Variants in KCNJ15 observed in about 807,000 individuals in gnomAD.
KCNJ15 encodes potassium inwardly rectifying channel subfamily J member 15, also known as ATP-sensitive inward rectifier potassium channel 15.
KCNJ15 carries 14 observed loss-of-function variants against 23.0 expected under a neutral mutation model. The ratio of observed to expected loss-of-function variants is 0.61; its 90% CI spans 0.40 to 0.95. The LOEUF (loss-of-function observed/expected upper bound fraction) is 0.95. KCNJ15 is among the 40% of genes least tolerant of loss of function. The pLI is 0.00. For synonymous variants in KCNJ15, 185 were observed against 183.2 expected (o/e 1.01, Z -0.08); for missense variants, 388 against 461.8 (o/e 0.84, Z 1.46).
At position 38,303,373 on chromosome 21, in the gene KCNJ15, C is replaced by T. The variant is rs1347883563; in HGVS notation, c.*2984C>T. The T allele has an allele frequency of 1.3e-5, 2 of 151,816 alleles. No homozygotes were observed. The highest frequency in any genetic ancestry group is 3.9e-4 in the East Asian group (2 of 5,154). The allele number at this position is 151,816 out of a possible 1,614,324, so 9.4% of individuals were successfully genotyped here. A position where few individuals can be genotyped will look rare whatever the true frequency, so the allele number is the denominator to read the frequency against. On this transcript the variant is annotated 3_prime_UTR_variant, in exon 3 of 3. Coordinates refer to ENST00000398938, the MANE Select transcript of KCNJ15 (RefSeq NM_170736.3). ...ATGTGTTAGGTTTTCTCAATGAGAC[C>T]ATTAAAAAACGTTGTGTTCCATTTG...
At chr21:38,259,864 T>G (rs1980696528) in intron 1 of KCNJ15, among the ~76,000 whole-genome samples, 1 of 152,134 alleles carries the variant, frequency 6.6e-6, no homozygotes, top group African/African-American at 2.4e-5. Context: ...CTCAGGTAAC[T>G]TCCTGGTGCC....
At chr21:38,241,468 T>A (rs1167848138) in intron 1 of KCNJ15, among the ~76,000 whole-genome samples, 1 of 152,222 alleles carries the variant, frequency 6.6e-6, no homozygotes, top group Non-Finnish European at 1.5e-5. Flanking sequence ...GGCAGAGGCC[T>A]GGGACAGCAC....
chr21:38,278,875 G>T (rs1425378709), intron 1 of KCNJ15, among the ~76,000 whole-genome samples: 1 of 152,206 alleles, frequency 6.6e-6, no homozygotes, highest in African/African-American at 2.4e-5. Context: ...TGAGGCTTTG[G>T]TTTGTAGACA....
intron 1 of KCNJ15, among the ~76,000 whole-genome samples, chr21:38,295,047 C>T (rs58979766): frequency 0.1 from 15,273 of 152,150 alleles, 2,168 homozygotes; most frequent in African/African-American, 0.32. Context: ...TATTGCTTAG[C>T]TGGGAGGATT....
upstream of KCNJ15, among the ~76,000 whole-genome samples, chr21:38,254,576 G>A (rs1001806219): frequency 2.0e-5 from 3 of 152,140 alleles, no homozygotes; most frequent in Non-Finnish European, 2.9e-5. Flanking sequence ...TATGTAACTC[G>A]ATGCTGAGAA....
intron 1 of KCNJ15, among the ~76,000 whole-genome samples, chr21:38,232,762 A>T (rs558220557): frequency 6.6e-6 from 1 of 151,890 alleles, no homozygotes; most frequent in African/African-American, 2.4e-5. Context: ...CATTTTTAAA[A>T]TTTTATTCTA....
intron 1 of KCNJ15, among the ~76,000 whole-genome samples, chr21:38,277,503 T>C (rs1982843751): frequency 6.6e-6 from 1 of 152,162 alleles, no homozygotes. Context: ...GCAGAAATAA[T>C]TAATCATAAC....
chr21:38,255,225 T>G (rs747246594), upstream of KCNJ15, among the ~76,000 whole-genome samples: 4 of 152,012 alleles, frequency 2.6e-5, no homozygotes, highest in Non-Finnish European at 5.9e-5. Flanking sequence ...GAACAATGAG[T>G]CAGCTCAGTG....
chr21:38,280,323 T>C (rs1258213902), intron 1 of KCNJ15, among the ~76,000 whole-genome samples: 1 of 152,140 alleles, frequency 6.6e-6, no homozygotes, highest in Non-Finnish European at 1.5e-5. Flanking sequence ...AAAGTAGTCT[T>C]TTGGAAGTCA....
At position 38,288,030 on chromosome 21, in the gene KCNJ15, G is replaced by GTTTTTTTTTTTTTTTTTT. The variant is rs71184612; in HGVS notation, c.-116-8885_-116-8868dup. 8.6e-4 allele frequency among the ~76,000 whole-genome samples: 70 copies of GTTTTTTTTTTTTTTTTTT among 81,450 alleles called. 3 individuals carry two copies. Among genetic ancestry groups the GTTTTTTTTTTTTTTTTTT allele is most frequent in the South Asian group, 2.0e-3 (4 of 1,990 alleles). The allele number at this position is 81,450 out of a possible 152,430, so 53.4% of individuals were successfully genotyped here. On this transcript the variant is annotated intron_variant, in intron 1 of 2. Coordinates refer to ENST00000398938, the MANE Select transcript of KCNJ15 (RefSeq NM_170736.3). Reference sequence around the variant, plus strand: ...TGTTAAATAACTTGTTTTTTTCTTTGTTTTTTTTTTTTTTTTTTTTTTTTT... The same window carrying GTTTTTTTTTTTTTTTTTT: ...TGTTAAATAACTTGTTTTTTTCTTTGTTTTTTTTTTTTTTTTTTTTTTTTTTTTTTTTTTTTTTTTTTT...
In KCNJ15 at chr21:38,300,603, T is replaced by C. The variant is rs1569023770; in HGVS notation, c.*214T>C. On this transcript the variant is annotated 3_prime_UTR_variant, in exon 3 of 3. Transcript: ENST00000398938. ...TTAGGTGCTTCGTCTGAAAGTGAAC[T>C]CTCATAATTCAAATTGTATAAAATA... 1.9e-6 allele frequency: 1 copy of C among 529,164 alleles called. No homozygotes were observed. The highest frequency in any genetic ancestry group is 3.4e-6 in the Non-Finnish European group (1 of 292,842). 32.8% of individuals were successfully genotyped at this position (529,164 alleles called of 1,614,324 possible).
chr21:38,247,738 A>T (rs1326746967), intron 1 of KCNJ15, among the ~76,000 whole-genome samples: 2 of 152,194 alleles, frequency 1.3e-5, no homozygotes, highest in Non-Finnish European at 2.9e-5. Context: ...GATTGGCATC[A>T]GTATTGTCAT....
chr21:38,238,793 C>T (rs1978797514), intron 1 of KCNJ15: 1 of 315,894 alleles, frequency 3.2e-6, no homozygotes, highest in African/African-American at 2.1e-5. Flanking sequence ...AAGTGCTTTC[C>T]AATATGTTAT....
At position 38,249,882 on chromosome 21, in the gene KCNJ15, G is replaced by T. The variant is rs549069525; in HGVS notation, c.-398-7164G>T. On this transcript the variant is annotated intron_variant, in intron 1 of 4. Coordinates refer to the KCNJ15 transcript ENST00000547341. ...GATGATCTTGGACAGCTTTCTCTTT[G>T]AATTCATTTTTAGCTTAATGTATTT... Among the ~76,000 whole-genome samples, 157 of 152,282 alleles carry T rather than the reference G, an allele frequency of 1.0e-3. 1 individual carries two copies. The highest frequency in any genetic ancestry group is 3.6e-3 in the African/African-American group (151 of 41,568).
chr21:38,280,326 G>A (rs1028360163), intron 1 of KCNJ15, among the ~76,000 whole-genome samples: 1 of 152,112 alleles, frequency 6.6e-6, no homozygotes, highest in Non-Finnish European at 1.5e-5. Flanking sequence ...GTAGTCTTTT[G>A]GAAGTCATAA....
intron 1 of KCNJ15, among the ~76,000 whole-genome samples, chr21:38,283,696 T>A (rs1038365072): frequency 6.6e-6 from 1 of 152,248 alleles, no homozygotes; most frequent in African/African-American, 2.4e-5. Flanking sequence ...TTTAAAACTT[T>A]GAGTATACAT....
intron 1 of KCNJ15, among the ~76,000 whole-genome samples, chr21:38,234,797 C>T (rs2123539313): frequency 6.6e-6 from 1 of 152,234 alleles, no homozygotes; most frequent in South Asian, 2.1e-4. Flanking sequence ...TGAGCAAATC[C>T]TTTTTTACAA....
chr21:38,243,958 G>A (rs1979189302), intron 1 of KCNJ15, among the ~76,000 whole-genome samples: 1 of 152,134 alleles, frequency 6.6e-6, no homozygotes, highest in African/African-American at 2.4e-5. Context: ...TTCTGAGTAA[G>A]TTACATGAGA....
chr21:38,306,736 A>T lies in KCNJ15; in HGVS notation c.*6347A>T, dbSNP rs1175924917. 1 of 152,212 alleles carries T rather than the reference A, an allele frequency of 6.6e-6. No individual in the cohort carries two copies. The highest frequency in any genetic ancestry group is 2.4e-5 in the African/African-American group (1 of 41,460). 9.4% of individuals were successfully genotyped at this position (152,212 alleles called of 1,614,324 possible). A position where few individuals can be genotyped will look rare whatever the true frequency, so the allele number is the denominator to read the frequency against. On this transcript the variant is annotated 3_prime_UTR_variant, in exon 3 of 3. Coordinates refer to ENST00000398938, the MANE Select transcript of KCNJ15 (RefSeq NM_170736.3). ...GAAGGATAGCAGCCGACTTGGATCC[A>T]TTTTTGAGGAATTATTTCTGTAAGG...
Sources: allele counts gnomAD v4.1 joint callset (sites outside exome capture counted in the v4.1 genomes callset), GRCh38; gene constraint gnomAD v4.1.1; transcripts MANE v1.5; gene names NCBI Gene and HGNC (gene_info 2026-07-23, HGNC 2026-07-21).